CYBC1: variants seen among roughly 807,000 people sequenced by gnomAD.
The protein encoded by CYBC1 is cytochrome b-245 chaperone 1.
Under a neutral mutation model 21.7 loss-of-function variants are expected in CYBC1, and 22 were observed. The ratio of observed to expected loss-of-function variants is 1.02; its 90% confidence interval spans 0.73 to 1.45. CYBC1 has a LOEUF of 1.45. CYBC1 is among the 40% of genes most tolerant of loss of function. The pLI, the probability that CYBC1 is intolerant of heterozygous loss-of-function variation, is 0.00. For missense variants in CYBC1, 237 were observed against 242.1 expected (o/e 0.98, Z 0.14); for synonymous variants, 112 against 98.7 (o/e 1.13, Z -0.80).
At chr17:82,448,849 C>T in intron 2 of CYBC1, 1 of 283,756 alleles carries the variant, frequency 3.5e-6, no homozygotes, top group East Asian at 1.1e-4. Context: ...GTCTGAGGAC[C>T]AGGGAGGAGG....
Position 82,443,378 on chromosome 17 carries a change from G to A in CYBC1, c.*626C>T. 2.0e-6 allele frequency: 1 copy of A among 494,566 alleles called. No individual in the cohort carries two copies. The allele number at this position is 494,566 out of a possible 1,614,324, so 30.6% of individuals were successfully genotyped here. On this transcript the variant is annotated 3_prime_UTR_variant, in exon 7 of 7. Coordinates refer to ENST00000306645, the MANE Select transcript of CYBC1 (RefSeq NM_001033046.4). This position sits in a 1 kb window ranked among gnomAD's most constrained non-coding sequence, Gnocchi z 6.7. ...ATCCTGGCATCAGCAAGGGAGGCGGGTCCTCGGGGAGGGGCAGCTTCCACA... is the reference window on the plus strand; with the variant it reads ...ATCCTGGCATCAGCAAGGGAGGCGGATCCTCGGGGAGGGGCAGCTTCCACA...
chr17:82,445,590 C>A, intron 5 of CYBC1: 1 of 359,798 alleles, frequency 2.8e-6, no homozygotes, highest in Non-Finnish European at 5.1e-6. Flanking sequence ...CTGCCAGACC[C>A]CTGCTCCTCA....
chr17:82,446,587 G>T (rs764345206), intron 4 of CYBC1, 36 bp downstream of exon 4: 5 of 1,604,456 alleles, frequency 3.1e-6, no homozygotes, highest in Non-Finnish European at 3.4e-6. Flanking sequence ...GAGCTGAACA[G>T]CCCTGGACTC....
At chr17:82,450,575 G>A (rs1247705659) in intron 1 of CYBC1, 125 bp downstream of exon 1, 1 of 152,092 alleles carries the variant, frequency 6.6e-6, no homozygotes, top group East Asian at 1.9e-4. Context: ...CGGGCACGGC[G>A]GGACACGGAA....
At position 82,449,288 on chromosome 17, in the gene CYBC1, G is replaced by T. The variant is rs142996233; in HGVS notation, c.-34C>A. 1 of 1,498,696 alleles carries T rather than the reference G, an allele frequency of 6.7e-7. No individual in the cohort carries two copies. The highest frequency in any genetic ancestry group is 8.9e-7 in the Non-Finnish European group (1 of 1,118,956). The allele number at this position is 1,498,696 out of a possible 1,614,324, so 92.8% of individuals were successfully genotyped here. ...GGCAGCACCACTCTCTACAGGAGGAGGGGTCTGGGAACAGACAGAGGCAGC... is the reference window on the plus strand; with the variant it reads ...GGCAGCACCACTCTCTACAGGAGGATGGGTCTGGGAACAGACAGAGGCAGC... On this transcript the variant is annotated 5_prime_UTR_variant, in exon 2 of 7. Transcript: ENST00000306645.
chr17:82,443,982 G>A lies in CYBC1; in HGVS notation c.*22C>T, dbSNP rs373657380. 55 of 1,609,808 alleles carry A rather than the reference G, an allele frequency of 3.4e-5. No homozygotes were observed. Among genetic ancestry groups the A allele is most frequent in the African/African-American group, 4.0e-5 (3 of 74,874 alleles). On this transcript the variant is annotated 3_prime_UTR_variant, in exon 7 of 7. Transcript: ENST00000306645. The surrounding 1 kb of genome is among the most constrained non-coding windows in gnomAD (Gnocchi z 6.7). ...GCCATGGGTCCTGTGGGCGGTGCAC[G>A]GGCTCAGGCACAGTGGGGCTGTCAG...
At chr17:82,446,506 T>C (rs1447745271) in intron 4 of CYBC1, 117 bp downstream of exon 4, 2 of 926,284 alleles carry the variant, frequency 2.2e-6, no homozygotes, top group Non-Finnish European at 3.4e-6. Context: ...GGACCAACGC[T>C]TCAGGACGGG....
At position 82,443,006 on chromosome 17, in the gene CYBC1, C is replaced by T. The variant is rs2054058913; in HGVS notation, c.*998G>A. ...CTGTAGCCGAGAGCCCAGCCCCCTCCTGCCAGGTCTTCCCAGGTTCGAGAG... is the reference window on the plus strand; with the variant it reads ...CTGTAGCCGAGAGCCCAGCCCCCTCTTGCCAGGTCTTCCCAGGTTCGAGAG... On this transcript the variant is annotated 3_prime_UTR_variant, in exon 7 of 7. Transcript: ENST00000306645. The surrounding 1 kb of genome is among the most constrained non-coding windows in gnomAD (Gnocchi z 6.7). 2 of 203,166 alleles carry T rather than the reference C, an allele frequency of 9.8e-6. No homozygotes were observed. Among genetic ancestry groups the T allele is most frequent in the African/African-American group, 2.3e-5 (1 of 42,832 alleles). The allele number at this position is 203,166 out of a possible 1,614,324, so 12.6% of individuals were successfully genotyped here. A position where few individuals can be genotyped will look rare whatever the true frequency, so the allele number is the denominator to read the frequency against.
At position 82,447,885 on chromosome 17, in the gene CYBC1, A is replaced by G. The variant is rs924676915; in HGVS notation, c.86-264T>C. ...CGAGGAAGGAAGAGCGCTTGAGCTC[A>G]GGAGTTTGAGACCAGCCTGGGCAAC... On this transcript the variant is annotated intron_variant, in intron 2 of 6. Transcript: ENST00000306645. The G allele has an allele frequency of 6.9e-6, 4 of 583,158 alleles. No individual in the cohort carries two copies. The African/African-American group carries it at 7.5e-5, about 11-fold the overall frequency. 36.1% of individuals were successfully genotyped at this position (583,158 alleles called of 1,614,324 possible).
intron 4 of CYBC1, among the ~76,000 whole-genome samples, chr17:82,446,161 G>A (rs148677858): frequency 1.1e-4 from 17 of 152,346 alleles, no homozygotes; most frequent in Non-Finnish European, 2.1e-4. Flanking sequence ...CTCCTGTTGG[G>A]AAATGGAGAG....
intron 5 of CYBC1, chr17:82,445,397 C>T (rs192491092): frequency 1.6e-3 from 272 of 166,512 alleles, no homozygotes; most frequent in Admixed American, 2.3e-3. Context: ...CCGCAAGAAG[C>T]CAGGTGGCCC....
chr17:82,446,970 G>A, intron 3 of CYBC1: 1 of 540,524 alleles, frequency 1.9e-6, no homozygotes, highest in Non-Finnish European at 3.3e-6. Flanking sequence ...TGGCAGGGTG[G>A]GAAGTACACC....
chr17:82,444,196 C>G, intron 6 of CYBC1, 72 bp from the exon 7 acceptor site: 1 of 1,562,682 alleles, frequency 6.4e-7, no homozygotes, highest in East Asian at 2.3e-5. Flanking sequence ...CCACAGCAGT[C>G]TCCTCCTCGA....
intron 5 of CYBC1, 102 bp from the exon 6 acceptor site, chr17:82,444,693 G>T: frequency 3.5e-6 from 5 of 1,430,508 alleles, no homozygotes; most frequent in Non-Finnish European, 4.7e-6. Flanking sequence ...GCCACACTTG[G>T]TTGGCAGCAA....
chr17:82,445,477 CTG>C, intron 5 of CYBC1: 1 of 185,298 alleles, frequency 5.4e-6, no homozygotes, highest in Admixed American at 5.5e-5. Flanking sequence ...TGGGGCCAGA[CTG>C]CACCTGCGGA....
chr17:82,448,890 T>A, intron 2 of CYBC1: 1 of 426,728 alleles, frequency 2.3e-6, no homozygotes. Context: ...ACCCATCACG[T>A]GGTTCAAAAC....
intron 3 of CYBC1, 194 bp from the exon 4 acceptor site, chr17:82,446,890 C>G: frequency 3.3e-6 from 2 of 602,764 alleles, no homozygotes; most frequent in South Asian, 3.9e-5. Context: ...GCTCTGACCC[C>G]CAGAGTCCAC....
At chr17:82,447,436 C>T (rs1037083598) in intron 3 of CYBC1, 144 bp downstream of exon 3, 30 of 720,612 alleles carry the variant, frequency 4.2e-5, no homozygotes, top group Non-Finnish European at 6.1e-5. Context: ...ATGGAGGGCG[C>T]GGTGCCCGCC....
intron 4 of CYBC1, among the ~76,000 whole-genome samples, chr17:82,446,299 G>A (rs576582955): frequency 2.0e-4 from 30 of 152,318 alleles, no homozygotes; most frequent in Middle Eastern, 3.4e-3. Flanking sequence ...GACTCATGAG[G>A]GGCTCCGAGG....
Sources: gnomAD v4.1 joint callset for allele counts (sites outside exome capture counted in the v4.1 genomes callset) on GRCh38, gnomAD v4.1.1 for gene constraint, Gnocchi (gnomAD v3.1) non-coding constraint, MANE v1.5 for transcripts, NCBI Gene and HGNC (gene_info 2026-07-23, HGNC 2026-07-21) for gene names.